Variants in STXBP2 observed in about 807,000 individuals in gnomAD.
STXBP2 encodes syntaxin-binding protein 2.
Under a neutral mutation model 72.2 loss-of-function variants are expected in STXBP2, and 47 were observed. That is an observed-to-expected ratio of 0.65 (90% confidence interval 0.51 to 0.83). The LOEUF (loss-of-function observed/expected upper bound fraction) is 0.83, where lower values mean the gene tolerates loss of function less well. Ranked by LOEUF, STXBP2 falls within the 40% of genes least tolerant of loss-of-function variation. STXBP2 has a pLI of 0.00. For synonymous variants in STXBP2, 367 were observed against 338.7 expected (o/e 1.08, Z -0.92); for missense variants, 702 against 807.6 (o/e 0.87, Z 1.58).
Position 7,642,826 on chromosome 19 carries a change from A to C in STXBP2, c.960+3A>C. 1.2e-6 allele frequency: 2 copies of C among 1,614,090 alleles called. No individual in the cohort carries two copies. Among genetic ancestry groups the C allele is most frequent in the Non-Finnish European group, 1.7e-6 (2 of 1,180,004 alleles). On this transcript the variant is annotated splice_donor_region_variant and intron_variant, in intron 11 of 18. Coordinates refer to ENST00000221283, the MANE Select transcript of STXBP2 (RefSeq NM_006949.4). The surrounding 1 kb of genome is among the most constrained non-coding windows in gnomAD (Gnocchi z 6.0). ...GCAAGAGGCTGACCACGGACAAGGT[A>C]GGGGCGGACCCAGGTCACCAAAGGC...
At chr19:7,631,957 G>C (rs2031329911), upstream of STXBP2, 4 of 821,854 alleles carry the variant, frequency 4.9e-6, no homozygotes, top group Non-Finnish European at 6.8e-6. Flanking sequence ...CTGCCATTTA[G>C]GGTGGCATTT....
At position 7,642,413 on chromosome 19, in the gene STXBP2, C is replaced by G. The variant is rs1189996144; in HGVS notation, c.795-16C>G. 1 of 1,613,860 alleles carries G rather than the reference C, an allele frequency of 6.2e-7. No homozygotes were observed. Among genetic ancestry groups the G allele is most frequent in the Admixed American group, 1.7e-5 (1 of 60,028 alleles). On this transcript the variant is annotated splice_polypyrimidine_tract_variant and intron_variant, in intron 9 of 18. Transcript: ENST00000221283. The surrounding 1 kb of genome is among the most constrained non-coding windows in gnomAD (Gnocchi z 6.0). ...CTCAGCTCCCCTGACCCCCAGGCTC[C>G]CTCCTTCCTCCCCAGGTATGAGACC...
At chr19:7,632,120 A>AG (rs1208727647), upstream of STXBP2, 1 of 574,168 alleles carries the variant, frequency 1.7e-6, no homozygotes, top group East Asian at 2.9e-5. The surrounding 1 kb of genome is among the most constrained non-coding windows in gnomAD (Gnocchi z 5.2). Flanking sequence ...TTTCCTAGGA[A>AG]GGGGTCCTAT....
rs1323902482 is a variant in STXBP2, at chr19:7,641,691, C to G, written c.430-14C>G. 4 of 1,551,612 alleles carry G rather than the reference C, an allele frequency of 2.6e-6. No individual in the cohort carries two copies. The East Asian group carries it at 7.3e-5, about 28-fold the overall frequency. The stretch of plus-strand genomic sequence containing the variant: ...CAGCGGCAACCCTGGTGCTTCTGTC[C>G]CCTCCTCGCCCAGGTGTTCTCCCTC... On this transcript the variant is annotated splice_polypyrimidine_tract_variant and intron_variant, in intron 6 of 18. Coordinates refer to ENST00000221283, the MANE Select transcript of STXBP2 (RefSeq NM_006949.4).
At chr19:7,644,786 C>A (rs754959872) in intron 14 of STXBP2, 34 bp downstream of exon 14, 1 of 1,612,954 alleles carries the variant, frequency 6.2e-7, no homozygotes, top group African/African-American at 1.3e-5. Flanking sequence ...GGAACGTCCC[C>A]ATTTGCCAGC....
chr19:7,647,704 CA>C lies in STXBP2; in HGVS notation c.1697-18del. Reference sequence around the variant, plus strand: ...AGGCAGCGCCCCCCAACATCTTCCCCAAACCTCTGCCCCTGCACAGGCTCCT... The same window carrying C: ...AGGCAGCGCCCCCCAACATCTTCCCCAACCTCTGCCCCTGCACAGGCTCCT... On this transcript the variant is annotated intron_variant, in intron 18 of 18. Transcript: ENST00000221283. 1 of 1,613,748 alleles carries C rather than the reference CA, an allele frequency of 6.2e-7. No individual in the cohort carries two copies. Among genetic ancestry groups the C allele is most frequent in the East Asian group, 2.2e-5 (1 of 44,856 alleles).
At chr19:7,633,527 G>C, upstream of STXBP2, 1 of 1,473,716 alleles carries the variant, frequency 6.8e-7, no homozygotes, top group Non-Finnish European at 9.3e-7. Flanking sequence ...CCTTTTAAAC[G>C]TCCAGGACGT....
chr19:7,638,709 C>T lies in STXBP2; in HGVS notation c.38-17C>T, dbSNP rs201996502. On this transcript the variant is annotated splice_polypyrimidine_tract_variant and intron_variant, in intron 1 of 18. Transcript: ENST00000221283. ...CAGAGAACCAGCATTCTGACCCCTCCCCTCCCTTCCCTGCAGAAATTCTGA... is the reference window on the plus strand; with the variant it reads ...CAGAGAACCAGCATTCTGACCCCTCTCCTCCCTTCCCTGCAGAAATTCTGA... 5.1e-5 allele frequency: 82 copies of T among 1,614,068 alleles called. No individual in the cohort carries two copies. Among genetic ancestry groups the T allele is most frequent in the African/African-American group, 3.9e-4 (29 of 74,988 alleles).
chr19:7,633,292 G>T, upstream of STXBP2: 1 of 1,084,382 alleles, frequency 9.2e-7, no homozygotes, highest in Non-Finnish European at 1.3e-6. Flanking sequence ...GCCACAACTG[G>T]GTCAGGGGGT....
Position 7,644,656 on chromosome 19 carries a change from G to A in STXBP2, c.1150G>A (p.Asp384Asn). 1 of 1,613,630 alleles carries A rather than the reference G, an allele frequency of 6.2e-7. No homozygotes were observed. Among genetic ancestry groups the A allele is most frequent in the Non-Finnish European group, 8.5e-7 (1 of 1,179,828 alleles). Residue 384 changes from aspartate to asparagine, a missense_variant, in exon 14 of 19, where the codon GAC (aspartate) becomes AAC (asparagine). Physicochemically the swap from Asp to Asn is conservative, Grantham distance 23 (BLOSUM62 1). Coordinates refer to ENST00000221283, the MANE Select transcript of STXBP2 (RefSeq NM_006949.4). ...CGACGCAGAGGGGGAGAAGATCAAG[G>A]ACTCCATGAAGCTGATCGTTCCGGT... ...GSDAEGEKIK[D>N]SMKLIVPVLL... is the part of the protein sequence containing the mutation.
chr19:7,630,828 G>C, the STXBP2 span: 2 of 1,537,272 alleles, frequency 1.3e-6, no homozygotes, highest in Non-Finnish European at 8.7e-7. Context: ...TACAGAGGGA[G>C]CTGTGGCCAC....
At chr19:7,630,731 G>A in the STXBP2 span, 1 of 1,532,412 alleles carries the variant, frequency 6.5e-7, no homozygotes. Flanking sequence ...GTCTGCTGGG[G>A]ACTAATGTCT....
chr19:7,633,451 C>G (rs1326121013), upstream of STXBP2: 4 of 1,576,484 alleles, frequency 2.5e-6, no homozygotes, highest in Non-Finnish European at 3.4e-6. Flanking sequence ...TCCTCCTGAT[C>G]CATCATGTCC....
In STXBP2 at chr19:7,644,715, G is replaced by C; in HGVS notation, c.1209G>C (p.Lys403Asn). 1 of 1,613,830 alleles carries C rather than the reference G, an allele frequency of 6.2e-7. No homozygotes were observed. Among genetic ancestry groups the C allele is most frequent in the Non-Finnish European group, 8.5e-7 (1 of 1,179,862 alleles). The change falls in exon 14 of 19, where the codon AAG (lysine) becomes AAC (asparagine). Residue 403 changes from lysine (K) to asparagine (N), a missense_variant. Transcript: ENST00000221283. ...ACGCGGCGGTGCCCGCCTACGACAA[G>C]ATCCGGGTCCTGCTGCTCTACATCC... Reference protein sequence around the residue: ...LLDAAVPAYDKIRVLLLYILL... With the variant: ...LLDAAVPAYDNIRVLLLYILL...
At chr19:7,637,795 G>A (rs952950188) in intron 1 of STXBP2, among the ~76,000 whole-genome samples, 15 of 152,216 alleles carry the variant, frequency 9.9e-5, no homozygotes, top group Admixed American at 4.6e-4. Flanking sequence ...CGCCCTGGCC[G>A]TCTTGATAAC....
the STXBP2 span, chr19:7,630,963 G>C: frequency 1.5e-6 from 2 of 1,308,826 alleles, no homozygotes; most frequent in Non-Finnish European, 2.1e-6. Flanking sequence ...TAATCCCAGG[G>C]CATGGGAGGC....
Position 7,647,326 on chromosome 19 carries a change from C to T in STXBP2, c.1539-28C>T, listed in dbSNP as rs2032178058. On this transcript the variant is annotated intron_variant, in intron 17 of 18. Transcript: ENST00000221283. ...CCTGGCGGCGGTGAGGGCCTCCTGC[C>T]TGGACTTTCTGCCCCTGCCCTGCAC... is the stretch of plus-strand genomic sequence containing the variant. The T allele has an allele frequency of 1.9e-6, 3 of 1,612,502 alleles. No homozygotes were observed. The South Asian group carries it at 3.3e-5, about 18-fold the overall frequency.
At chr19:7,645,917 T>A (rs1158750521) in intron 15 of STXBP2, 5 of 430,822 alleles carry the variant, frequency 1.2e-5, no homozygotes, top group Non-Finnish European at 1.7e-5. Context: ...TCTGTCCCCA[T>A]CTTCCTCTCT....
chr19:7,645,350 G>A (rs200420083), intron 15 of STXBP2, 44 bp downstream of exon 15: 13 of 1,531,544 alleles, frequency 8.5e-6, no homozygotes, highest in Non-Finnish European at 8.9e-7. Context: ...AGAGGGTGCG[G>A]ATCACAGCCG....
Sources: gnomAD v4.1 joint callset for allele counts (sites outside exome capture counted in the v4.1 genomes callset) on GRCh38, gnomAD v4.1.1 for gene constraint, Gnocchi (gnomAD v3.1) non-coding constraint, MANE v1.5 for transcripts, NCBI Gene and HGNC (gene_info 2026-07-23, HGNC 2026-07-21) for gene names.